Variants in KAT2B observed in about 807,000 individuals in gnomAD.
KAT2B encodes lysine acetyltransferase 2B, also known as histone acetyltransferase KAT2B.
In KAT2B, 36 loss-of-function variants were observed where a neutral mutation model predicts 105.9. That is an observed-to-expected ratio of 0.34 (90% CI 0.26 to 0.45). The LOEUF is 0.45. Among genes scored for constraint, KAT2B ranks in the 20% least tolerant of loss-of-function variants. The pLI is 1.00. For missense variants in KAT2B, 820 were observed against 1,021.6 expected, an observed-to-expected ratio of 0.80 and a Z score of 2.69; for synonymous variants, 397 against 377.9, an observed-to-expected ratio of 1.05 and a Z score of -0.59.
intron 2 of KAT2B, among the ~76,000 whole-genome samples, chr3:20,081,314 C>T (rs1417270669): frequency 6.6e-5 from 10 of 152,194 alleles, no homozygotes; most frequent in East Asian, 3.8e-4. Context: ...CAATGATACA[C>T]GGAGCCAGAG....
At chr3:20,100,936 C>G (rs1698898994) in intron 4 of KAT2B, 1 of 241,448 alleles carries the variant, frequency 4.1e-6, no homozygotes, top group Non-Finnish European at 8.0e-6. Context: ...GTGGGCTACT[C>G]TGCTGATAGT....
At chr3:20,106,271 A>G (rs538597743) in intron 5 of KAT2B, among the ~76,000 whole-genome samples, 2 of 152,384 alleles carry the variant, frequency 1.3e-5, no homozygotes, top group Admixed American at 6.5e-5. Context: ...TGAACGAACT[A>G]TCATTTTGCT....
chr3:20,106,877 A>G (rs1461650574), intron 5 of KAT2B, among the ~76,000 whole-genome samples: 1 of 148,948 alleles, frequency 6.7e-6, no homozygotes, highest in Non-Finnish European at 1.5e-5. Context: ...TGAGCCAAAA[A>G]TGCAAGCCAG....
Position 20,040,508 on chromosome 3 carries a change from G to C in KAT2B, c.31G>C (p.Gly11Arg), listed in dbSNP as rs2125158820. ...CGAGGCTGGCGGGGCCGGGCCGGGC[G>C]GCTGCGGGGCAGGAGCCGGGGCAGG... MSEAGGAGPG[G>R]CGAGAGAGAG... Residue 11 changes from glycine to arginine, a missense_variant, in exon 1 of 18, where the codon GGC becomes CGC. Coordinates refer to ENST00000263754, the MANE Select transcript of KAT2B (RefSeq NM_003884.5). 9.7e-7 allele frequency: 1 copy of C among 1,028,708 alleles called. No individual in the cohort carries two copies. Among genetic ancestry groups the C allele is most frequent in the South Asian group, 4.5e-5 (1 of 22,468 alleles). The allele number at this position is 1,028,708 out of a possible 1,614,324, so 63.7% of individuals were successfully genotyped here. A position where few individuals can be genotyped will look rare whatever the true frequency, so the allele number is the denominator to read the frequency against.
intron 2 of KAT2B, among the ~76,000 whole-genome samples, chr3:20,089,398 A>C (rs1575126365): frequency 7.9e-6 from 1 of 126,648 alleles, no homozygotes; most frequent in Admixed American, 8.1e-5. Context: ...TGTCTTCTTC[A>C]CTTTTTTTTT....
chr3:20,143,340 C>T (rs112909173), intron 13 of KAT2B, among the ~76,000 whole-genome samples: 6,438 of 152,160 alleles, frequency 0.042, 214 homozygotes, highest in South Asian at 0.14. Context: ...GATACTATCT[C>T]ACACCAGTCA....
At chr3:20,075,229 A>G (rs1351307960) in intron 2 of KAT2B, among the ~76,000 whole-genome samples, 1 of 152,028 alleles carries the variant, frequency 6.6e-6, no homozygotes, top group African/African-American at 2.4e-5. Context: ...GCACCACTGC[A>G]CTCCAGCCTG....
intron 2 of KAT2B, among the ~76,000 whole-genome samples, chr3:20,082,045 C>T (rs1323339845): frequency 6.6e-6 from 1 of 151,676 alleles, no homozygotes; most frequent in African/African-American, 2.4e-5. Flanking sequence ...ATAAGGTTTT[C>T]TTTTTTTGAA....
intron 2 of KAT2B, among the ~76,000 whole-genome samples, chr3:20,079,707 C>A (rs76116962): frequency 6.6e-6 from 1 of 152,002 alleles, no homozygotes; most frequent in East Asian, 1.9e-4. Flanking sequence ...TATAATTGCC[C>A]CCTCAGTTCC....
intron 13 of KAT2B, among the ~76,000 whole-genome samples, chr3:20,146,051 C>T (rs1699779025): frequency 6.6e-6 from 1 of 152,084 alleles, no homozygotes; most frequent in Non-Finnish European, 1.5e-5. Flanking sequence ...ACAAGTGGGC[C>T]CTAGGGGCTG....
chr3:20,050,658 A>G (rs997427550), intron 1 of KAT2B, among the ~76,000 whole-genome samples: 4 of 151,880 alleles, frequency 2.6e-5, no homozygotes, highest in African/African-American at 4.8e-5. Flanking sequence ...ATTGCCAGCA[A>G]TTTTCAGGAG....
chr3:20,054,058 A>C lies in KAT2B; in HGVS notation c.303+13278A>C, dbSNP rs534074458. 5.5e-3 allele frequency among the ~76,000 whole-genome samples: 845 copies of C among 152,316 alleles called. 4 individuals carry two copies. The highest frequency in any genetic ancestry group is 9.2e-3 in the Non-Finnish European group (629 of 68,032). On this transcript the variant is annotated intron_variant, in intron 1 of 17. Coordinates refer to ENST00000263754, the MANE Select transcript of KAT2B (RefSeq NM_003884.5). Reference sequence around the variant, plus strand: ...AGTGATCCATCCTCCTCGGCCTCCCAAAGTGCTGGGATTACAGGCATGAGC... The same window carrying C: ...AGTGATCCATCCTCCTCGGCCTCCCCAAGTGCTGGGATTACAGGCATGAGC...
intron 5 of KAT2B, among the ~76,000 whole-genome samples, chr3:20,108,007 A>T (rs768513053): frequency 5.9e-5 from 9 of 151,906 alleles, no homozygotes; most frequent in South Asian, 4.2e-4. Flanking sequence ...ATGGGGTTTC[A>T]TCATGTTCCC....
At position 20,153,283 on chromosome 3, in the gene KAT2B, C is replaced by T. The variant is rs1475245090; in HGVS notation, c.*758C>T. 1 of 152,074 alleles carries T rather than the reference C, an allele frequency of 6.6e-6. No homozygotes were observed. 9.4% of individuals were successfully genotyped at this position (152,074 alleles called of 1,614,324 possible). ...CATATTTGACTTTGCTTATGCAGGCCATAAGTTCCAAAAGATAATTTCCCT... is the reference window on the plus strand; with the variant it reads ...CATATTTGACTTTGCTTATGCAGGCTATAAGTTCCAAAAGATAATTTCCCT... On this transcript the variant is annotated 3_prime_UTR_variant, in exon 18 of 18. Coordinates refer to ENST00000263754, the MANE Select transcript of KAT2B (RefSeq NM_003884.5).
rs777768090 is a variant in KAT2B, at chr3:20,152,970, T to G, written c.*445T>G. ...TGAAGGACTTTAAGGAAGGGATACA[T>G]GATTTTAAAAAAGCCTGTAAGAGGT... On this transcript the variant is annotated 3_prime_UTR_variant, in exon 18 of 18. Coordinates refer to ENST00000263754, the MANE Select transcript of KAT2B (RefSeq NM_003884.5). 6.5e-6 allele frequency: 1 copy of G among 153,462 alleles called. No individual in the cohort carries two copies. The highest frequency in any genetic ancestry group is 2.4e-5 in the African/African-American group (1 of 41,466). The allele number at this position is 153,462 out of a possible 1,614,324, so 9.5% of individuals were successfully genotyped here.
At chr3:20,072,976 G>C (rs6762971) in intron 2 of KAT2B, among the ~76,000 whole-genome samples, 62,800 of 151,790 alleles carry the variant, frequency 0.41, 13,290 homozygotes, top group South Asian at 0.49. Flanking sequence ...ATGTTTACTG[G>C]TGGTTTCCCT....
chr3:20,047,117 T>TA (rs1188001084), intron 1 of KAT2B, among the ~76,000 whole-genome samples: 2 of 151,708 alleles, frequency 1.3e-5, no homozygotes, highest in Non-Finnish European at 2.9e-5. Flanking sequence ...GGCAGGGTCT[T>TA]ACTCTGCTTC....
intron 3 of KAT2B, 47 bp downstream of exon 3, chr3:20,095,455 TACC>T: frequency 1.5e-6 from 2 of 1,368,046 alleles, no homozygotes; most frequent in Non-Finnish European, 1.0e-6. Context: ...TATTCAAATG[TACC>T]CAGTCTCCAT....
chr3:20,110,952 A>G (rs1421258913), intron 5 of KAT2B, among the ~76,000 whole-genome samples: 3 of 152,076 alleles, frequency 2.0e-5, no homozygotes, highest in Non-Finnish European at 4.4e-5. Flanking sequence ...GAAGCTTAAT[A>G]CTTCCTACAT....
Sources: gnomAD v4.1 joint callset for allele counts (sites outside exome capture counted in the v4.1 genomes callset) on GRCh38, gnomAD v4.1.1 for gene constraint, MANE v1.5 for transcripts, NCBI Gene and HGNC (gene_info 2026-07-23, HGNC 2026-07-21) for gene names.